CALN1: variants seen among roughly 807,000 people sequenced by gnomAD.
CALN1 encodes the protein calneuron 1, also known as calcium-binding protein 8.
Under a neutral mutation model 30.6 loss-of-function variants are expected in CALN1, and 17 were observed. That is an observed-to-expected ratio of 0.56 (90% CI 0.38 to 0.83). CALN1 has a LOEUF of 0.83. CALN1 is among the 40% of genes least tolerant of loss of function. CALN1 has a pLI of 0.00. For synonymous variants in CALN1, 156 were observed against 131.4 expected (o/e 1.19, Z -1.28); for missense variants, 291 against 354.9 (o/e 0.82, Z 1.45).
chr7:72,461,265 G>T, the CALN1 span, among the ~76,000 whole-genome samples: 16 of 152,286 alleles, frequency 1.1e-4, no homozygotes, highest in Middle Eastern at 3.4e-3. Context: ...ATTTCTCAAA[G>T]AACTGAAACA....
At chr7:72,243,944 G>A (rs1203504742) in intron 3 of CALN1, among the ~76,000 whole-genome samples, 4 of 152,060 alleles carry the variant, frequency 2.6e-5, no homozygotes, top group Non-Finnish European at 4.4e-5. Flanking sequence ...CATGAATGCC[G>A]ACTGTTCTAC....
intron 1 of CALN1, among the ~76,000 whole-genome samples, chr7:72,435,973 G>T (rs970939426): frequency 1.7e-4 from 26 of 152,150 alleles, no homozygotes; most frequent in African/African-American, 6.3e-4. Flanking sequence ...GTGACAAAGG[G>T]GTGCTGGCCT....
At chr7:71,938,603 T>C (rs984363404) in intron 5 of CALN1, among the ~76,000 whole-genome samples, 3 of 152,036 alleles carry the variant, frequency 2.0e-5, no homozygotes, top group Non-Finnish European at 4.4e-5. Context: ...GAGACCAGCC[T>C]GGCCAACATG....
At chr7:72,187,439 C>T (rs1007235968) in intron 3 of CALN1, among the ~76,000 whole-genome samples, 1 of 152,194 alleles carries the variant, frequency 6.6e-6, no homozygotes, top group Non-Finnish European at 1.5e-5. Context: ...GGTGAGGGAA[C>T]ATTACCTCCT....
intron 3 of CALN1, among the ~76,000 whole-genome samples, chr7:72,113,834 T>A (rs922409531): frequency 6.6e-6 from 1 of 152,112 alleles, no homozygotes; most frequent in Admixed American, 6.5e-5. Flanking sequence ...CTCCCAGTGG[T>A]TTTAAAATAT....
chr7:72,115,244 T>G (rs1807893102), intron 3 of CALN1, among the ~76,000 whole-genome samples: 1 of 147,732 alleles, frequency 6.8e-6, no homozygotes, highest in Non-Finnish European at 1.5e-5. Flanking sequence ...ATACAGTGTA[T>G]AATAATAACA....
chr7:72,220,440 T>C (rs10242963), intron 3 of CALN1, among the ~76,000 whole-genome samples: 107,791 of 148,886 alleles, frequency 0.72, 39,827 homozygotes, highest in East Asian at 1. Context: ...TCCAGTCTAT[T>C]GTTGTTGGAC....
intron 2 of CALN1, among the ~76,000 whole-genome samples, chr7:72,390,480 G>A (rs1212762629): frequency 6.6e-6 from 1 of 152,128 alleles, no homozygotes; most frequent in Non-Finnish European, 1.5e-5. Flanking sequence ...CCCTGAGACA[G>A]TGAAACGTGG....
intron 3 of CALN1, among the ~76,000 whole-genome samples, chr7:72,268,689 C>T (rs1453079634): frequency 6.6e-5 from 10 of 151,634 alleles, no homozygotes; most frequent in Non-Finnish European, 1.0e-4. Flanking sequence ...CCTAGCTACT[C>T]GGGAGGCCGA....
Position 72,054,199 on chromosome 7 carries a change from A to G in CALN1, c.389-30430T>C, listed in dbSNP as rs1007585228. 4.6e-5 allele frequency among the ~76,000 whole-genome samples: 7 copies of G among 151,914 alleles called. 1 individual carries two copies. The highest frequency in any genetic ancestry group is 4.6e-4 in the Admixed American group (7 of 15,230). ...TGGATTGAATGGTAGTTCTACATTT[A>G]GTTCTTTAAGGAATCTCCACACTGT... On this transcript the variant is annotated intron_variant, in intron 4 of 6. Transcript: ENST00000395275.
At chr7:71,793,830 C>T (rs576549061) in intron 6 of CALN1, among the ~76,000 whole-genome samples, 12 of 152,046 alleles carry the variant, frequency 7.9e-5, no homozygotes, top group Non-Finnish European at 1.2e-4. Context: ...TGCCACTGCA[C>T]TCAAGCCTGG....
chr7:72,108,648 G>A (rs1454039671), intron 3 of CALN1, among the ~76,000 whole-genome samples: 2 of 151,886 alleles, frequency 1.3e-5, no homozygotes, highest in East Asian at 1.9e-4. Flanking sequence ...GCAGACTCCT[G>A]CCTTTCCCTA....
At chr7:72,047,788 A>T (rs1802566086) in intron 4 of CALN1, among the ~76,000 whole-genome samples, 1 of 152,154 alleles carries the variant, frequency 6.6e-6, no homozygotes, top group Non-Finnish European at 1.5e-5. Flanking sequence ...ACTGCAGTGA[A>T]CAGGGGGCAT....
At chr7:72,099,361 C>A (rs1806481411) in intron 4 of CALN1, among the ~76,000 whole-genome samples, 1 of 151,318 alleles carries the variant, frequency 6.6e-6, no homozygotes, top group Admixed American at 6.6e-5. Flanking sequence ...ACTGCCATTC[C>A]ACATGTTCCA....
chr7:72,370,418 G>A (rs1278964234), intron 2 of CALN1, among the ~76,000 whole-genome samples: 2 of 152,058 alleles, frequency 1.3e-5, no homozygotes, highest in African/African-American at 2.4e-5. Flanking sequence ...ACTTTGGGAG[G>A]CTGAGGCAGG....
chr7:72,367,770 G>A (rs1803961338), intron 2 of CALN1, among the ~76,000 whole-genome samples: 1 of 152,194 alleles, frequency 6.6e-6, no homozygotes, highest in East Asian at 1.9e-4. Context: ...ACGAGTTCCA[G>A]GCTGGAAGAA....
intron 4 of CALN1, among the ~76,000 whole-genome samples, chr7:72,043,304 T>A (rs1026544794): frequency 6.6e-6 from 1 of 151,948 alleles, no homozygotes; most frequent in African/African-American, 2.4e-5. Flanking sequence ...CCCAGAGAGG[T>A]TCATTGCCTT....
intron 4 of CALN1, among the ~76,000 whole-genome samples, chr7:72,089,118 T>TA (rs1805681271): frequency 6.6e-6 from 1 of 152,078 alleles, no homozygotes; most frequent in African/African-American, 2.4e-5. Flanking sequence ...ATAAAAGTTG[T>TA]AAAAAATGGG....
At chr7:72,240,635 C>T (rs1240863091) in intron 3 of CALN1, among the ~76,000 whole-genome samples, 2 of 152,194 alleles carry the variant, frequency 1.3e-5, no homozygotes, top group Non-Finnish European at 2.9e-5. Context: ...TTCTCTGTTG[C>T]TAAAACTACC....
Sources: gnomAD v4.1 joint callset for allele counts (sites outside exome capture counted in the v4.1 genomes callset) on GRCh38, gnomAD v4.1.1 for gene constraint, MANE v1.5 for transcripts, NCBI Gene and HGNC (gene_info 2026-07-23, HGNC 2026-07-21) for gene names.